Variants in RUNDC3A observed in about 807,000 individuals in gnomAD.
The protein encoded by RUNDC3A is RUN domain-containing protein 3A.
RUNDC3A carries 28 observed loss-of-function variants against 53.9 expected under a neutral mutation model. That is an observed-to-expected ratio of 0.52 (90% CI 0.38 to 0.71). The LOEUF (loss-of-function observed/expected upper bound fraction) is 0.71. Ranked by LOEUF, RUNDC3A falls within the 30% of genes least tolerant of loss-of-function variation. The pLI is 0.00. For missense variants in RUNDC3A, 491 were observed against 597.3 expected, an observed-to-expected ratio of 0.82 and a Z score of 1.85; for synonymous variants, 232 against 249.4, an observed-to-expected ratio of 0.93 and a Z score of 0.66.
intron 10 of RUNDC3A, chr17:44,317,824 GCTCA>G (rs1025780205): frequency 4.7e-5 from 28 of 593,508 alleles, no homozygotes; most frequent in South Asian, 1.2e-4. Context: ...CAGAGCGAGT[GCTCA>G]CTGTGTATTT....
chr17:44,314,686 G>C (rs758580209), intron 4 of RUNDC3A, 49 bp from the exon 5 acceptor site: 17 of 1,187,766 alleles, frequency 1.4e-5, no homozygotes, highest in East Asian at 8.0e-5. Flanking sequence ...GGGGGGGGGG[G>C]GGCGCTCCAG....
At position 44,314,809 on chromosome 17, in the gene RUNDC3A, G is replaced by A; in HGVS notation, c.533G>A (p.Ser178Asn). 1 of 1,613,894 alleles carries A rather than the reference G, an allele frequency of 6.2e-7. No homozygotes were observed. Among genetic ancestry groups the A allele is most frequent in the Non-Finnish European group, 8.5e-7 (1 of 1,179,884 alleles). Residue 178 changes from serine (S) to asparagine (N), a missense_variant, in exon 5 of 11, where the codon AGC becomes AAC. Transcript: ENST00000426726. ...TILTGMLIGLSAIDFSFCLKG... is the reference protein window; with the variant it reads ...TILTGMLIGLNAIDFSFCLKG... ...CTCACCGGAATGCTGATCGGACTGAGCGCCATCGACTTCAGGTGGGGTCTG... is the reference window on the plus strand; with the variant it reads ...CTCACCGGAATGCTGATCGGACTGAACGCCATCGACTTCAGGTGGGGTCTG...
At chr17:44,313,312 C>T in intron 3 of RUNDC3A, 60 bp downstream of exon 3, 1 of 1,607,422 alleles carries the variant, frequency 6.2e-7, no homozygotes, top group Non-Finnish European at 8.5e-7. Context: ...CTGCCTGTTT[C>T]TTGGTTTTTG....
At chr17:44,316,558 C>T (rs1228045841) in intron 9 of RUNDC3A, 36 bp downstream of exon 9, 1 of 1,594,704 alleles carries the variant, frequency 6.3e-7, no homozygotes, top group Non-Finnish European at 8.5e-7. Flanking sequence ...GGCCTGAGAG[C>T]GGGTCGTCCT....
In RUNDC3A at chr17:44,314,682, G is replaced by C. The variant is rs557051971; in HGVS notation, c.459-53G>C. Reference sequence around the variant, plus strand: ...GCCAACAATAGCAGCTCTGGGGGGGGGGGGGGCGCTCCAGGGGCCTGCTGC... The same window carrying C: ...GCCAACAATAGCAGCTCTGGGGGGGCGGGGGGCGCTCCAGGGGCCTGCTGC... On this transcript the variant is annotated intron_variant, in intron 4 of 10. Transcript: ENST00000426726. The C allele has an allele frequency of 1.7e-4, 211 of 1,268,302 alleles. 2 individuals carry two copies. The highest frequency in any genetic ancestry group is 1.2e-3 in the Middle Eastern group (5 of 4,266). 78.6% of individuals were successfully genotyped at this position (1,268,302 alleles called of 1,614,324 possible). A position where few individuals can be genotyped will look rare whatever the true frequency, so the allele number is the denominator to read the frequency against.
At chr17:44,310,982 C>A (rs2047738625) in intron 1 of RUNDC3A, 2 of 985,432 alleles carry the variant, frequency 2.0e-6, no homozygotes, top group Non-Finnish European at 2.4e-6. Flanking sequence ...TTCTCCCAAC[C>A]CTGCCTGGGC....
At chr17:44,316,588 T>C (rs1476431420) in intron 9 of RUNDC3A, 31 bp from the exon 10 acceptor site, 22 of 1,564,332 alleles carry the variant, frequency 1.4e-5, no homozygotes, top group Middle Eastern at 1.7e-4. Flanking sequence ...GGGCTTCCTC[T>C]ACCGGCGCAC....
In RUNDC3A at chr17:44,308,731, G is replaced by A. The variant is rs2047689383; in HGVS notation, c.-102G>A. 5.7e-6 allele frequency: 4 copies of A among 701,568 alleles called. No individual in the cohort carries two copies. Among genetic ancestry groups the A allele is most frequent in the East Asian group, 3.1e-5 (1 of 31,920 alleles). 43.5% of individuals were successfully genotyped at this position (701,568 alleles called of 1,614,324 possible). ...GGGATGGCCATGGAAGGGTTGAGGGGCCCCGTCGGACAGAGGGCCCAGCCG... is the reference window on the plus strand; with the variant it reads ...GGGATGGCCATGGAAGGGTTGAGGGACCCCGTCGGACAGAGGGCCCAGCCG... On this transcript the variant is annotated 5_prime_UTR_variant, in exon 1 of 11. Coordinates refer to ENST00000426726, the MANE Select transcript of RUNDC3A (RefSeq NM_001144825.2).
intron 10 of RUNDC3A, 139 bp from the exon 11 acceptor site, chr17:44,317,957 A>G (rs918725648): frequency 4.7e-6 from 4 of 855,012 alleles, no homozygotes; most frequent in African/African-American, 3.4e-5. Flanking sequence ...CCAAAGTTTA[A>G]CTGAAAATGG....
intron 1 of RUNDC3A, among the ~76,000 whole-genome samples, chr17:44,311,957 G>A (rs1420195989): frequency 6.6e-6 from 1 of 152,156 alleles, no homozygotes; most frequent in Non-Finnish European, 1.5e-5. Context: ...CCTGGTTCTG[G>A]GCAGCTGGTG....
At position 44,318,366 on chromosome 17, in the gene RUNDC3A, C is replaced by T. The variant is rs933150278; in HGVS notation, c.*128C>T. On this transcript the variant is annotated 3_prime_UTR_variant, in exon 11 of 11. Transcript: ENST00000426726. ...GCTACCCACCCAGCCAGGGTTCTCTCGGGGAAGATCTCGTCTGCTCACCTT... is the reference window on the plus strand; with the variant it reads ...GCTACCCACCCAGCCAGGGTTCTCTTGGGGAAGATCTCGTCTGCTCACCTT... The T allele has an allele frequency of 8.0e-5, 85 of 1,066,884 alleles. No homozygotes were observed. The highest frequency in any genetic ancestry group is 3.7e-4 in the East Asian group (14 of 37,994). 66.1% of individuals were successfully genotyped at this position (1,066,884 alleles called of 1,614,324 possible). A position where few individuals can be genotyped will look rare whatever the true frequency, so the allele number is the denominator to read the frequency against.
intron 4 of RUNDC3A, 104 bp from the exon 5 acceptor site, chr17:44,314,631 C>T: frequency 1.3e-6 from 2 of 1,496,318 alleles, no homozygotes; most frequent in South Asian, 1.2e-5. Context: ...GAGAATTGGC[C>T]TTCCTTCAGG....
intron 1 of RUNDC3A, chr17:44,310,629 T>G: frequency 1.1e-6 from 1 of 904,694 alleles, no homozygotes; most frequent in Non-Finnish European, 1.3e-6. Context: ...ACAGCTCCCT[T>G]TAGCAGGCCA....
chr17:44,313,343 G>C, intron 3 of RUNDC3A, 75 bp from the exon 4 acceptor site: 1 of 1,609,248 alleles, frequency 6.2e-7, no homozygotes, highest in African/African-American at 1.3e-5. Context: ...ACAGCCCAGG[G>C]GAGAAGGGCC....
At chr17:44,314,869 A>C in intron 5 of RUNDC3A, 45 bp downstream of exon 5, 1 of 1,613,926 alleles carries the variant, frequency 6.2e-7, no homozygotes. Context: ...TGTTTCCCCC[A>C]TAAATGTCCT....
At chr17:44,317,904 TAC>T (rs988035494) in intron 10 of RUNDC3A, 190 bp from the exon 11 acceptor site, 3 of 604,202 alleles carry the variant, frequency 5.0e-6, no homozygotes, top group African/African-American at 1.8e-5. Flanking sequence ...ACGATTACAA[TAC>T]AGTGTCCCCA....
intron 1 of RUNDC3A, chr17:44,310,623 C>A: frequency 1.2e-6 from 1 of 864,576 alleles, no homozygotes; most frequent in Non-Finnish European, 1.4e-6. Flanking sequence ...CCCAGAACAG[C>A]TCCCTTTAGC....
At chr17:44,311,002 A>C (rs1331684483) in intron 1 of RUNDC3A, 1 of 985,332 alleles carries the variant, frequency 1.0e-6, no homozygotes, top group African/African-American at 1.7e-5. Context: ...CTCTCAACCA[A>C]AATGTAATGA....
In RUNDC3A at chr17:44,308,913, G is replaced by A; in HGVS notation, c.81G>A (p.Glu27=). The change falls in exon 1 of 11, where the codon GAG becomes GAA. Residue 27 remains glutamate (E), a synonymous_variant. Transcript: ENST00000426726. Reference sequence around the variant, plus strand: ...CGTCCTCTCGCAACGTGGCTGTGGAGCGTAAGAACCTGATCACCGTGTGCA... The same window carrying A: ...CGTCCTCTCGCAACGTGGCTGTGGAACGTAAGAACCTGATCACCGTGTGCA... ...KKASSRNVAV[E]RKNLITVCRF... is the part of the protein sequence containing the mutation. The A allele has an allele frequency of 6.2e-7, 1 of 1,610,790 alleles. No homozygotes were observed. Among genetic ancestry groups the A allele is most frequent in the Non-Finnish European group, 8.5e-7 (1 of 1,178,466 alleles).
Sources: allele counts gnomAD v4.1 joint callset (sites outside exome capture counted in the v4.1 genomes callset), GRCh38; gene constraint gnomAD v4.1.1; transcripts MANE v1.5; gene names NCBI Gene and HGNC (gene_info 2026-07-23, HGNC 2026-07-21).